Variants in GPC5 observed in about 807,000 individuals in gnomAD.
GPC5 encodes glypican 5, also known as glypican-5.
GPC5 carries 47 observed loss-of-function variants against 53.9 expected under a neutral mutation model. The observed-to-expected ratio is 0.87, with a 90% CI of 0.69 to 1.11. The LOEUF (loss-of-function observed/expected upper bound fraction) is 1.11. Ranked by LOEUF, GPC5 falls within the 50% of genes most tolerant of loss-of-function variation. The pLI, the probability that GPC5 is intolerant of heterozygous loss-of-function variation, is 0.00. For missense variants in GPC5, 748 were observed against 713.1 expected (o/e 1.05, Z -0.56); for synonymous variants, 286 against 263.3 (o/e 1.09, Z -0.84).
intron 6 of GPC5, among the ~76,000 whole-genome samples, chr13:92,121,743 C>T (rs2041651137): frequency 6.6e-6 from 1 of 152,156 alleles, no homozygotes; most frequent in Non-Finnish European, 1.5e-5. Context: ...AATGTCATTA[C>T]ATCTTCTTAG....
intron 5 of GPC5, among the ~76,000 whole-genome samples, chr13:91,897,335 CTG>C (rs34783532): frequency 0.075 from 10,492 of 139,150 alleles, 810 homozygotes; most frequent in African/African-American, 0.21. Flanking sequence ...ATAGAGAATG[CTG>C]TGTGTGTGTG....
intron 1 of GPC5, among the ~76,000 whole-genome samples, chr13:91,424,790 G>A (rs1980734): frequency 0.077 from 11,730 of 151,682 alleles, 1,456 homozygotes; most frequent in African/African-American, 0.27. Flanking sequence ...ATCTGGTATG[G>A]GTTGGGAGAA....
chr13:91,461,989 G>T (rs1435379573), intron 2 of GPC5, among the ~76,000 whole-genome samples: 1 of 152,144 alleles, frequency 6.6e-6, no homozygotes, highest in African/African-American at 2.4e-5. Flanking sequence ...CATTTTTAAA[G>T]CAGACTTTTC....
intron 2 of GPC5, among the ~76,000 whole-genome samples, chr13:91,644,476 G>C (rs11842344): frequency 0.12 from 18,411 of 152,072 alleles, 2,100 homozygotes; most frequent in African/African-American, 0.3. Context: ...TTGGCACCAG[G>C]TATTTCTCTA....
chr13:92,277,768 G>C (rs1361354916), intron 7 of GPC5, among the ~76,000 whole-genome samples: 1 of 151,800 alleles, frequency 6.6e-6, no homozygotes, highest in African/African-American at 2.4e-5. Context: ...TTCTCTAGTA[G>C]AAACAAGTTC....
intron 7 of GPC5, among the ~76,000 whole-genome samples, chr13:92,316,457 T>C (rs1020220918): frequency 6.6e-6 from 1 of 152,148 alleles, no homozygotes. Context: ...TGGCTTTCAG[T>C]ATAATTACTT....
chr13:92,155,160 C>A (rs1480251759), intron 7 of GPC5, among the ~76,000 whole-genome samples: 4 of 151,982 alleles, frequency 2.6e-5, no homozygotes, highest in Admixed American at 6.6e-5. Context: ...TTTACGAGTT[C>A]TTTTATGGTG....
intron 7 of GPC5, among the ~76,000 whole-genome samples, chr13:92,335,924 G>A (rs535452044): frequency 6.6e-6 from 1 of 152,206 alleles, no homozygotes; most frequent in East Asian, 1.9e-4. Context: ...AAGTCTCTAT[G>A]AAGTTCCAAA....
intron 7 of GPC5, among the ~76,000 whole-genome samples, chr13:92,829,223 A>G (rs1419733072): frequency 2.0e-5 from 3 of 152,104 alleles, no homozygotes; most frequent in Non-Finnish European, 1.5e-5. Context: ...GCCACAATAC[A>G]TTTTCTGAAG....
chr13:92,064,756 C>CAAA (rs1175120330), intron 6 of GPC5, among the ~76,000 whole-genome samples: 2 of 33,644 alleles, frequency 5.9e-5, no homozygotes, highest in African/African-American at 1.2e-4. Flanking sequence ...GACTCCGTCT[C>CAAA]AAAAAAAAAA....
At chr13:91,474,677 C>A (rs1366390944) in intron 2 of GPC5, among the ~76,000 whole-genome samples, 3 of 151,962 alleles carry the variant, frequency 2.0e-5, no homozygotes, top group Admixed American at 6.6e-5. Context: ...ACAAAAAAAA[C>A]CAAGACAAGA....
At chr13:91,909,915 T>G (rs1345823568) in intron 6 of GPC5, among the ~76,000 whole-genome samples, 7 of 152,126 alleles carry the variant, frequency 4.6e-5, no homozygotes. Flanking sequence ...TACCTTTCTT[T>G]TTTAGCTTCT....
chr13:92,457,279 C>T (rs1037315586), intron 7 of GPC5, among the ~76,000 whole-genome samples: 1 of 152,066 alleles, frequency 6.6e-6, no homozygotes, highest in Non-Finnish European at 1.5e-5. Flanking sequence ...CATGTCTTTG[C>T]TATGGTGAAT....
Position 92,472,420 on chromosome 13 carries a change from G to A in GPC5, c.1561+327431G>A, listed in dbSNP as rs187408941. On this transcript the variant is annotated intron_variant, in intron 7 of 7. Transcript: ENST00000377067. ...AGATTAAATAAGATAACATATATAA[G>A]TTAGCTCACGTGCAATGTTTCAATA... 3.6e-3 allele frequency among the ~76,000 whole-genome samples: 545 copies of A among 152,128 alleles called. 2 individuals are homozygous for A. Among genetic ancestry groups the A allele is most frequent in the African/African-American group, 0.013 (521 of 41,530 alleles).
At chr13:91,671,222 C>T (rs956257457) in intron 2 of GPC5, among the ~76,000 whole-genome samples, 1 of 152,042 alleles carries the variant, frequency 6.6e-6, no homozygotes, top group Non-Finnish European at 1.5e-5. Context: ...AGTTTCATGT[C>T]TAAAAGTTCA....
At chr13:92,265,456 C>T (rs1361919407) in intron 7 of GPC5, among the ~76,000 whole-genome samples, 1 of 152,042 alleles carries the variant, frequency 6.6e-6, no homozygotes, top group African/African-American at 2.4e-5. Context: ...AATGGTCTTT[C>T]TTCACTCCAT....
chr13:91,972,937 T>G (rs2040258414), intron 6 of GPC5, among the ~76,000 whole-genome samples: 1 of 152,300 alleles, frequency 6.6e-6, no homozygotes. Context: ...ATCTGACAAT[T>G]ATGTGTTTTG....
At chr13:92,118,645 GA>G (rs547975186) in intron 6 of GPC5, among the ~76,000 whole-genome samples, 1 of 151,708 alleles carries the variant, frequency 6.6e-6, no homozygotes, top group South Asian at 2.1e-4. Flanking sequence ...CCATGGGTTA[GA>G]AAAAAAAGCC....
At chr13:92,706,782 T>G (rs907767005) in intron 7 of GPC5, among the ~76,000 whole-genome samples, 9 of 152,174 alleles carry the variant, frequency 5.9e-5, no homozygotes, top group African/African-American at 2.2e-4. Context: ...CTGTACATAC[T>G]TAAAGTGATT....
Sources: allele counts gnomAD v4.1 joint callset (sites outside exome capture counted in the v4.1 genomes callset), GRCh38; gene constraint gnomAD v4.1.1; transcripts MANE v1.5; gene names NCBI Gene and HGNC (gene_info 2026-07-23, HGNC 2026-07-21).